PRR16: variants seen among roughly 807,000 people sequenced by gnomAD.
PRR16 encodes proline rich 16.
A neutral mutation model predicts 18.2 loss-of-function variants in PRR16; 6 were observed. That is an observed-to-expected ratio of 0.33 (90% confidence interval 0.18 to 0.65). The LOEUF (loss-of-function observed/expected upper bound fraction) is 0.65. PRR16 is among the 30% of genes least tolerant of loss of function. The pLI, the probability that PRR16 is intolerant of heterozygous loss-of-function variation, is 0.74. For synonymous variants in PRR16, 151 were observed against 147.8 expected (o/e 1.02, Z -0.16); for missense variants, 412 against 376.6 (o/e 1.09, Z -0.78).
the PRR16 span, among the ~76,000 whole-genome samples, chr5:120,762,087 TACC>T: frequency 6.6e-6 from 1 of 152,174 alleles, no homozygotes; most frequent in Non-Finnish European, 1.5e-5. Flanking sequence ...TGTTTATACA[TACC>T]ACATTTTCTT....
At chr5:120,671,200 T>C (rs144242746) in intron 1 of PRR16, among the ~76,000 whole-genome samples, 145 of 152,342 alleles carry the variant, frequency 9.5e-4, no homozygotes, top group African/African-American at 3.4e-3. Context: ...CAAATCTTCT[T>C]CTTTTACTGT....
chr5:120,637,317 GA>G (rs372136712), intron 1 of PRR16, among the ~76,000 whole-genome samples: 12,270 of 61,842 alleles, frequency 0.2, 627 homozygotes, highest in Middle Eastern at 0.34. Flanking sequence ...CCATTATACG[GA>G]AAAAAAAAAA....
intron 1 of PRR16, among the ~76,000 whole-genome samples, chr5:120,646,567 T>C (rs1016057674): frequency 2.6e-5 from 4 of 152,046 alleles, no homozygotes; most frequent in Admixed American, 1.3e-4. Context: ...CATGATTTTT[T>C]AGCTTCCATT....
intron 1 of PRR16, among the ~76,000 whole-genome samples, chr5:120,491,065 TG>T (rs1750019099): frequency 1.3e-5 from 2 of 152,220 alleles, no homozygotes; most frequent in South Asian, 4.2e-4. Flanking sequence ...CTGCCCCTAC[TG>T]GGGGGTGCCT....
chr5:120,491,336 A>G (rs895189812), intron 1 of PRR16, among the ~76,000 whole-genome samples: 1 of 152,138 alleles, frequency 6.6e-6, no homozygotes, highest in African/African-American at 2.4e-5. Flanking sequence ...TGCATTATAA[A>G]TACTATTTAT....
chr5:120,646,048 TTATATATA>T (rs10606917), intron 1 of PRR16, among the ~76,000 whole-genome samples: 15,217 of 104,940 alleles, frequency 0.15, 1,368 homozygotes, highest in Middle Eastern at 0.2. Context: ...AATACATATT[TTATATATA>T]TATATATATA....
chr5:120,554,910 A>G (rs1414406501), intron 1 of PRR16, among the ~76,000 whole-genome samples: 1 of 151,950 alleles, frequency 6.6e-6, no homozygotes, highest in African/African-American at 2.4e-5. Flanking sequence ...CTGTGTCTCC[A>G]CATTCCAGTA....
At chr5:120,482,111 T>C (rs1044151164) in intron 1 of PRR16, among the ~76,000 whole-genome samples, 1 of 152,144 alleles carries the variant, frequency 6.6e-6, no homozygotes, top group Non-Finnish European at 1.5e-5. Context: ...CACTGGATAT[T>C]TTGTTTCTTT....
intron 1 of PRR16, among the ~76,000 whole-genome samples, chr5:120,668,239 G>T (rs1756465031): frequency 6.6e-6 from 1 of 150,656 alleles, no homozygotes; most frequent in Non-Finnish European, 1.5e-5. Flanking sequence ...GATCTTTGTT[G>T]GTTTAAAGTC....
At chr5:120,785,575 G>GTTT in the PRR16 span, among the ~76,000 whole-genome samples, 1 of 115,410 alleles carries the variant, frequency 8.7e-6, no homozygotes, top group African/African-American at 3.4e-5. Flanking sequence ...TGTTGTTGTT[G>GTTT]TTTTTTTTTT....
chr5:120,772,979 A>T, the PRR16 span, among the ~76,000 whole-genome samples: 4 of 151,920 alleles, frequency 2.6e-5, no homozygotes, highest in African/African-American at 9.7e-5. Context: ...TTTCACCCAA[A>T]TTTTTCTGGA....
the PRR16 span, among the ~76,000 whole-genome samples, chr5:120,729,830 G>A: frequency 2.6e-5 from 4 of 152,062 alleles, no homozygotes; most frequent in Non-Finnish European, 5.9e-5. Context: ...GGGCTGTGAA[G>A]GTTAAGATGG....
the PRR16 span, among the ~76,000 whole-genome samples, chr5:120,697,101 T>A: frequency 6.6e-6 from 1 of 152,230 alleles, no homozygotes; most frequent in African/African-American, 2.4e-5. Context: ...TTTGAAGATA[T>A]TCTCTACTTT....
the PRR16 span, among the ~76,000 whole-genome samples, chr5:120,773,643 T>C: frequency 1.3e-5 from 2 of 152,088 alleles, no homozygotes; most frequent in Non-Finnish European, 2.9e-5. Context: ...TTTTTGTTTT[T>C]TTTGAAGGAA....
chr5:120,500,825 A>T (rs1750425500), intron 1 of PRR16, among the ~76,000 whole-genome samples: 1 of 152,158 alleles, frequency 6.6e-6, no homozygotes, highest in Non-Finnish European at 1.5e-5. Context: ...GACAAAGTAA[A>T]TCCATGAGGA....
chr5:120,699,740 T>A, the PRR16 span, among the ~76,000 whole-genome samples: 11 of 152,142 alleles, frequency 7.2e-5, no homozygotes, highest in Admixed American at 6.6e-4. Context: ...CTACAGGGTG[T>A]GGTCCTGGCT....
At chr5:120,717,823 C>A in the PRR16 span, among the ~76,000 whole-genome samples, 1 of 152,006 alleles carries the variant, frequency 6.6e-6, no homozygotes, top group South Asian at 2.1e-4. Context: ...AATGTCAGAA[C>A]GAAAACTTTA....
chr5:120,576,643 C>A (rs1413347013), intron 1 of PRR16, among the ~76,000 whole-genome samples: 1 of 152,122 alleles, frequency 6.6e-6, no homozygotes, highest in Non-Finnish European at 1.5e-5. Flanking sequence ...CAAGGGACTC[C>A]TGCCTGGCTG....
At chr5:120,624,215 T>G (rs1179442103) in intron 1 of PRR16, among the ~76,000 whole-genome samples, 4 of 152,088 alleles carry the variant, frequency 2.6e-5, no homozygotes, top group African/African-American at 9.7e-5. Context: ...ATCTTTGAAC[T>G]TGAAAAGCTT....
Sources: gnomAD v4.1 joint callset for allele counts (sites outside exome capture counted in the v4.1 genomes callset) on GRCh38, gnomAD v4.1.1 for gene constraint, MANE v1.5 for transcripts, NCBI Gene and HGNC (gene_info 2026-07-23, HGNC 2026-07-21) for gene names.